PPP3CB: variants seen among roughly 807,000 people sequenced by gnomAD.
PPP3CB encodes protein phosphatase 3 catalytic subunit beta, also known as serine/threonine-protein phosphatase 2B catalytic subunit beta isoform.
In PPP3CB, 8 loss-of-function variants were observed where a neutral mutation model predicts 66.4. The observed-to-expected ratio is 0.12, with a 90% CI of 0.07 to 0.22. The LOEUF (loss-of-function observed/expected upper bound fraction) is 0.22, where lower values mean the gene tolerates loss of function less well. PPP3CB is among the 10% of genes least tolerant of loss of function. The pLI, the probability that PPP3CB is intolerant of heterozygous loss-of-function variation, is 1.00. For synonymous variants in PPP3CB, 208 were observed against 221.2 expected, an observed-to-expected ratio of 0.94 and a Z score of 0.53; for missense variants, 319 against 642.5, an observed-to-expected ratio of 0.50 and a Z score of 5.44.
chr10:73,450,266 T>C (rs1159417343), intron 10 of PPP3CB, among the ~76,000 whole-genome samples: 1 of 152,060 alleles, frequency 6.6e-6, no homozygotes, highest in Non-Finnish European at 1.5e-5. Context: ...TTCCATAGAA[T>C]GGTTCACCGT....
At position 73,491,022 on chromosome 10, in the gene PPP3CB, G is replaced by GTTTTTTTT. The variant is rs528238766; in HGVS notation, c.85+4775_85+4782dup. On this transcript the variant is annotated intron_variant, in intron 1 of 13. Transcript: ENST00000360663. ...TAATTTTTGTTTGTTTGTTTTTATT[G>GTTTTTTTT]TTTTTTTTTTTTTTTTTTTTTTTTT... Among the ~76,000 whole-genome samples the GTTTTTTTT allele has an allele frequency of 3.2e-3, 132 of 40,924 alleles. 1 individual carries two copies. Among genetic ancestry groups the GTTTTTTTT allele is most frequent in the Non-Finnish European group, 4.9e-3 (93 of 18,854 alleles). 26.8% of individuals were successfully genotyped at this position (40,924 alleles called of 152,430 possible). A position where few individuals can be genotyped will look rare whatever the true frequency, so the allele number is the denominator to read the frequency against.
intron 10 of PPP3CB, among the ~76,000 whole-genome samples, chr10:73,449,684 T>C (rs955432831): frequency 6.6e-5 from 10 of 152,192 alleles, no homozygotes; most frequent in African/African-American, 2.2e-4. Context: ...TGTGGGTTTA[T>C]ACATTAGTGT....
At chr10:73,443,507 A>G (rs2056197810) in intron 12 of PPP3CB, among the ~76,000 whole-genome samples, 1 of 152,192 alleles carries the variant, frequency 6.6e-6, no homozygotes, top group South Asian at 2.1e-4. Context: ...ATGACTAAGG[A>G]AAACATCAGA....
rs190365928 is a variant in PPP3CB at position 73,438,098 on chromosome 10, A to C, written c.*144T>G. On this transcript the variant is annotated 3_prime_UTR_variant, in exon 14 of 14. Transcript: ENST00000360663. ...TCCCAGGGCCCTCAAGCCTCCATCC[A>C]GGAAGGGGGCTAGGGTCTCAGAAGC... 7 of 796,524 alleles carry C rather than the reference A, an allele frequency of 8.8e-6. No homozygotes were observed. The highest frequency in any genetic ancestry group is 3.2e-5 in the Admixed American group (1 of 31,192). The allele number at this position is 796,524 out of a possible 1,614,324, so 49.3% of individuals were successfully genotyped here. A position where few individuals can be genotyped will look rare whatever the true frequency, so the allele number is the denominator to read the frequency against.
intron 12 of PPP3CB, among the ~76,000 whole-genome samples, chr10:73,442,242 TAG>T (rs1400862334): frequency 6.6e-6 from 1 of 152,162 alleles, no homozygotes; most frequent in Non-Finnish European, 1.5e-5. Flanking sequence ...ATGCTGAGAA[TAG>T]AGAGTCCCTC....
intron 10 of PPP3CB, among the ~76,000 whole-genome samples, chr10:73,448,400 A>T (rs1272892483): frequency 6.6e-6 from 1 of 152,214 alleles, no homozygotes; most frequent in Non-Finnish European, 1.5e-5. Flanking sequence ...AAAAGTACAA[A>T]ACATTACAAA....
intron 9 of PPP3CB, among the ~76,000 whole-genome samples, chr10:73,464,568 T>TACA (rs565464035): frequency 2.2e-3 from 331 of 152,284 alleles, no homozygotes; most frequent in Middle Eastern, 6.8e-3. Context: ...AGTACATACA[T>TACA]TTATACATGA....
At chr10:73,441,360 C>T (rs1329774526) in intron 12 of PPP3CB, among the ~76,000 whole-genome samples, 1 of 152,118 alleles carries the variant, frequency 6.6e-6, no homozygotes, top group Non-Finnish European at 1.5e-5. Flanking sequence ...CCAGCACTCT[C>T]GGATGGCTGA....
chr10:73,438,691 G>GC (rs1043721455), intron 13 of PPP3CB, among the ~76,000 whole-genome samples: 4 of 152,184 alleles, frequency 2.6e-5, no homozygotes, highest in African/African-American at 9.6e-5. Flanking sequence ...ACCCTCTCCT[G>GC]CCCCCAAAAT....
intron 8 of PPP3CB, among the ~76,000 whole-genome samples, chr10:73,468,432 G>C (rs866333957): frequency 6.6e-6 from 1 of 152,142 alleles, no homozygotes; most frequent in African/African-American, 2.4e-5. Context: ...AGAAGGGCTG[G>C]ATTCTCATCT....
At chr10:73,456,711 C>A (rs537204373) in intron 9 of PPP3CB, among the ~76,000 whole-genome samples, 2 of 152,168 alleles carry the variant, frequency 1.3e-5, no homozygotes, top group Non-Finnish European at 2.9e-5. Context: ...GATCAAACAC[C>A]TAATGTAAGA....
intron 2 of PPP3CB, among the ~76,000 whole-genome samples, chr10:73,479,067 T>C (rs767420412): frequency 1.3e-5 from 2 of 152,252 alleles, no homozygotes; most frequent in Non-Finnish European, 2.9e-5. Context: ...AATTGAAGTA[T>C]GGTCAACACA....
chr10:73,462,054 A>C (rs1449605005), intron 9 of PPP3CB, among the ~76,000 whole-genome samples: 1 of 151,582 alleles, frequency 6.6e-6, no homozygotes, highest in Non-Finnish European at 1.5e-5. Context: ...CACCATGAGA[A>C]GTTCCCTGAG....
intron 12 of PPP3CB, chr10:73,443,673 T>G (rs1292916171): frequency 1.3e-5 from 2 of 152,308 alleles, no homozygotes; most frequent in South Asian, 4.1e-4. Context: ...CTCACATCAC[T>G]CTCTTCTATT....
At chr10:73,482,371 C>T (rs2056893224) in intron 1 of PPP3CB, among the ~76,000 whole-genome samples, 1 of 151,536 alleles carries the variant, frequency 6.6e-6, no homozygotes, top group African/African-American at 2.4e-5. Flanking sequence ...GGTGAAACCC[C>T]GTCTCTACTA....
chr10:73,448,702 G>A (rs1400965408), intron 10 of PPP3CB: 2 of 533,328 alleles, frequency 3.8e-6, no homozygotes, highest in South Asian at 1.4e-5. Context: ...TTCAGATGGA[G>A]AGTCCAGAAA....
intron 12 of PPP3CB, chr10:73,444,307 C>T (rs2056211024): frequency 2.6e-6 from 1 of 379,580 alleles, no homozygotes; most frequent in Non-Finnish European, 4.8e-6. Flanking sequence ...TAGTCCAATA[C>T]AATGACATAA....
chr10:73,438,107 G>A lies in PPP3CB; in HGVS notation c.*135C>T, dbSNP rs995664597. 4 of 872,630 alleles carry A rather than the reference G, an allele frequency of 4.6e-6. No individual in the cohort carries two copies. In the Admixed American group the frequency reaches 9.1e-5, roughly 20 times the overall value. The allele number at this position is 872,630 out of a possible 1,614,324, so 54.1% of individuals were successfully genotyped here. ...CCTCAAGCCTCCATCCAGGAAGGGG[G>A]CTAGGGTCTCAGAAGCACAATGGTT... On this transcript the variant is annotated 3_prime_UTR_variant, in exon 14 of 14. Coordinates refer to ENST00000360663, the MANE Select transcript of PPP3CB (RefSeq NM_021132.4).
intron 3 of PPP3CB, chr10:73,477,051 C>T (rs1265067299): frequency 1.8e-5 from 8 of 441,044 alleles, no homozygotes; most frequent in African/African-American, 4.1e-5. Flanking sequence ...TGCTGGGAGT[C>T]ACATTGCCTG....
Sources: gnomAD v4.1 joint callset for allele counts (sites outside exome capture counted in the v4.1 genomes callset) on GRCh38, gnomAD v4.1.1 for gene constraint, MANE v1.5 for transcripts, NCBI Gene and HGNC (gene_info 2026-07-23, HGNC 2026-07-21) for gene names.